Variants in LYPD8 observed in about 807,000 individuals in gnomAD.
The protein encoded by LYPD8 is ly6/PLAUR domain-containing protein 8.
LYPD8 carries 8 observed loss-of-function variants against 1.7 expected under a neutral mutation model. The observed-to-expected ratio is 4.58, with a 90% CI of 2.69 to 8.27. LYPD8 has a LOEUF of 8.27. LYPD8 is among the 30% of genes most tolerant of loss of function. The pLI, the probability that LYPD8 is intolerant of heterozygous loss-of-function variation, is 0.00. For synonymous variants in LYPD8, 50 were observed against 43.6 expected (o/e 1.15, Z -0.58); for missense variants, 112 against 102.3 (o/e 1.09, Z -0.41).
chr1:248,754,531 C>G (rs903926126), intron 2 of LYPD8, among the ~76,000 whole-genome samples: 15,031 of 151,204 alleles, frequency 0.099, 993 homozygotes, highest in East Asian at 0.25. Context: ...GACACATACA[C>G]ATCACACACC....
At chr1:248,744,033 G>A (rs1463643861) in intron 6 of LYPD8, among the ~76,000 whole-genome samples, 1 of 152,184 alleles carries the variant, frequency 6.6e-6, no homozygotes, top group African/African-American at 2.4e-5. Flanking sequence ...AGTGTATACT[G>A]ATAGATGGAG....
intron 5 of LYPD8, 122 bp from the exon 6 acceptor site, chr1:248,745,401 T>C: frequency 5.1e-6 from 2 of 394,820 alleles, no homozygotes; most frequent in Non-Finnish European, 8.9e-6. Context: ...TCCTTGGGAA[T>C]CTCAGATCTA....
chr1:248,748,406 A>C lies in LYPD8; in HGVS notation c.220T>G (p.Cys74Gly). Reference sequence around the variant, plus strand: ...GCTGTAATGTGTGTCTCCTCACTGCAGTTCTCCGCTGAGCAGAACATATTC... The same window carrying C: ...GCTGTAATGTGTGTCTCCTCACTGCCGTTCTCCGCTGAGCAGAACATATTC... ...YQNMFCSAENCSEETHITAFT... is the reference protein window; with the variant it reads ...YQNMFCSAENGSEETHITAFT... The change falls in exon 5 of 7, where the codon TGC becomes GGC. Residue 74 changes from cysteine (C) to glycine (G), a missense_variant. Transcript: ENST00000590317. 4.7e-6 allele frequency: 2 copies of C among 429,324 alleles called. No homozygotes were observed. Among genetic ancestry groups the C allele is most frequent in the South Asian group, 1.5e-4 (2 of 13,642 alleles). The allele number at this position is 429,324 out of a possible 1,614,324, so 26.6% of individuals were successfully genotyped here. A position where few individuals can be genotyped will look rare whatever the true frequency, so the allele number is the denominator to read the frequency against.
intron 2 of LYPD8, among the ~76,000 whole-genome samples, chr1:248,751,798 A>C (rs944029011): frequency 7.9e-5 from 12 of 152,002 alleles, no homozygotes; most frequent in Non-Finnish European, 1.8e-4. Context: ...CCCTTCCACT[A>C]TTCCCACAGT....
chr1:248,752,603 CACCCCACACACATCA>C, intron 2 of LYPD8, among the ~76,000 whole-genome samples: 1 of 140,976 alleles, frequency 7.1e-6, no homozygotes, highest in Non-Finnish European at 1.6e-5. Context: ...ACACCCCACA[CACCCCACACACATCA>C]CACACACACA....
chr1:248,754,457 ACACACACCATAT>A (rs1662891990), intron 2 of LYPD8, among the ~76,000 whole-genome samples: 1 of 150,090 alleles, frequency 6.7e-6, no homozygotes, highest in Non-Finnish European at 1.5e-5. Flanking sequence ...AACAAACCCC[ACACACACCATAT>A]CACACACACA....
At chr1:248,753,155 CCACACACCA>C (rs1170496022) in intron 2 of LYPD8, among the ~76,000 whole-genome samples, 6 of 101,400 alleles carry the variant, frequency 5.9e-5, no homozygotes, top group African/African-American at 2.3e-4. Context: ...CACAAACACC[CCACACACCA>C]CACACACCAC....
chr1:248,749,703 A>G (rs1662764425), intron 4 of LYPD8, among the ~76,000 whole-genome samples: 1 of 152,134 alleles, frequency 6.6e-6, no homozygotes, highest in Non-Finnish European at 1.5e-5. Flanking sequence ...ACCTCTTAAT[A>G]CCATCACGGT....
chr1:248,739,933 C>G lies in LYPD8; in HGVS notation c.476-84G>C. 1.3e-6 allele frequency: 2 copies of G among 1,510,790 alleles called. No individual in the cohort carries two copies. Among genetic ancestry groups the G allele is most frequent in the Non-Finnish European group, 1.8e-6 (2 of 1,123,608 alleles). 93.6% of individuals were successfully genotyped at this position (1,510,790 alleles called of 1,614,324 possible). ...CCTGCTCTTAGTTCTTCACCTGCAG[C>G]ACGGTGGCCCGGTGACCAGCAAGAG... On this transcript the variant is annotated intron_variant, in intron 6 of 6. Transcript: ENST00000590317. The surrounding 1 kb of genome is among the most constrained non-coding windows in gnomAD (Gnocchi z 4.3).
At position 248,739,980 on chromosome 1, in the gene LYPD8, G is replaced by A; in HGVS notation, c.476-131C>T. ...AGAGCTGGTGTGCTCCTGAAGCCCA[G>A]GCAGGAAGAAGGAGCCTGCGTGTTC... On this transcript the variant is annotated intron_variant, in intron 6 of 6. Coordinates refer to ENST00000590317, the MANE Select transcript of LYPD8 (RefSeq NM_001085474.2). The surrounding 1 kb of genome is among the most constrained non-coding windows in gnomAD (Gnocchi z 4.3). 8.2e-7 allele frequency: 1 copy of A among 1,225,946 alleles called. No homozygotes were observed. The highest frequency in any genetic ancestry group is 2.5e-5 in the East Asian group (1 of 39,264). The allele number at this position is 1,225,946 out of a possible 1,614,324, so 75.9% of individuals were successfully genotyped here. A position where few individuals can be genotyped will look rare whatever the true frequency, so the allele number is the denominator to read the frequency against.
chr1:248,754,598 A>G (rs953337695), intron 2 of LYPD8, among the ~76,000 whole-genome samples: 17,821 of 151,884 alleles, frequency 0.12, 1,510 homozygotes, highest in East Asian at 0.25. Flanking sequence ...CATTACATGC[A>G]CACAAACCAT....
In LYPD8 at chr1:248,739,799, C is replaced by T. The variant is rs1386100636; in HGVS notation, c.526G>A (p.Ala176Thr). 11 of 1,551,578 alleles carry T rather than the reference C, an allele frequency of 7.1e-6. No individual in the cohort carries two copies. In the African/African-American group the frequency reaches 9.6e-5, roughly 14 times the overall value. Reference sequence around the variant, plus strand: ...TCACCAGACAGGAACTGACAGGTGGCGTTACTGACGTTGGAACAGCCTTTC... The same window carrying T: ...TCACCAGACAGGAACTGACAGGTGGTGTTACTGACGTTGGAACAGCCTTTC... ...VLKGCSNVSN[A>T]TCQFLSGENK... Residue 176 changes from alanine (A) to threonine (T), a missense_variant, in exon 7 of 7, where the codon GCC becomes ACC. By Grantham distance (58) the Ala-to-Thr change is moderately conservative. Transcript: ENST00000590317. This position sits in a 1 kb window ranked among gnomAD's most constrained non-coding sequence, Gnocchi z 4.3.
chr1:248,750,406 CCT>C lies in LYPD8; in HGVS notation c.172+116_172+117del, dbSNP rs1207513310. 7 of 395,682 alleles carry C rather than the reference CCT, an allele frequency of 1.8e-5. No homozygotes were observed. In the East Asian group the frequency reaches 2.5e-4, roughly 14 times the overall value. 24.5% of individuals were successfully genotyped at this position (395,682 alleles called of 1,614,324 possible). A position where few individuals can be genotyped will look rare whatever the true frequency, so the allele number is the denominator to read the frequency against. ...CTCCTGGGAGTCACCTTTGTGGCTT[CCT>C]CTCTCCTTGGACAGCACGACCCCTT... On this transcript the variant is annotated intron_variant, in intron 4 of 6. Coordinates refer to ENST00000590317, the MANE Select transcript of LYPD8 (RefSeq NM_001085474.2).
chr1:248,753,376 A>G (rs1320039435), intron 2 of LYPD8, among the ~76,000 whole-genome samples: 1 of 123,298 alleles, frequency 8.1e-6, no homozygotes, highest in Admixed American at 8.6e-5. Context: ...CATACACACC[A>G]CACACCACAC....
chr1:248,752,967 CACAA>C (rs1662841550), intron 2 of LYPD8, among the ~76,000 whole-genome samples: 5 of 113,970 alleles, frequency 4.4e-5, no homozygotes, highest in African/African-American at 1.5e-4. Context: ...AAACACCCCA[CACAA>C]CACACACACA....
chr1:248,753,131 A>G (rs1274592673), intron 2 of LYPD8, among the ~76,000 whole-genome samples: 44 of 89,242 alleles, frequency 4.9e-4, no homozygotes, highest in African/African-American at 1.7e-3. Flanking sequence ...ACAACACAAC[A>G]CACACACCCC....
intron 4 of LYPD8, among the ~76,000 whole-genome samples, chr1:248,748,799 A>G (rs1357053570): frequency 7.2e-5 from 11 of 152,220 alleles, no homozygotes; most frequent in African/African-American, 2.2e-4. Context: ...CTTATGTGCA[A>G]TATGACATCC....
intron 6 of LYPD8, among the ~76,000 whole-genome samples, chr1:248,742,186 T>A (rs1553283430): frequency 7.1e-6 from 1 of 141,424 alleles, no homozygotes. Flanking sequence ...AGCGGGGAGA[T>A]TATGCTCTGG....
intron 2 of LYPD8, among the ~76,000 whole-genome samples, chr1:248,753,717 C>T (rs1489890533): frequency 2.9e-5 from 4 of 136,368 alleles, no homozygotes; most frequent in East Asian, 4.8e-4. Context: ...CACACACACA[C>T]GCATCACACC....
Sources: gnomAD v4.1 joint callset for allele counts (sites outside exome capture counted in the v4.1 genomes callset) on GRCh38, gnomAD v4.1.1 for gene constraint, Gnocchi (gnomAD v3.1) non-coding constraint, MANE v1.5 for transcripts, NCBI Gene and HGNC (gene_info 2026-07-23, HGNC 2026-07-21) for gene names.